The following DST variants were observed in gnomAD, a reference collection of about 807,000 sequenced individuals.
The protein encoded by DST is bullous pemphigoid antigen.
DST carries 253 observed loss-of-function variants against 875.2 expected under a neutral mutation model. The observed-to-expected ratio is 0.29, with a 90% CI of 0.26 to 0.32. The LOEUF (loss-of-function observed/expected upper bound fraction) is 0.32, where lower values mean the gene tolerates loss of function less well. DST is among the 10% of genes least tolerant of loss of function. The pLI is 1.00. For synonymous variants in DST, 3,124 were observed against 3,197.1 expected (o/e 0.98, Z 0.77); for missense variants, 8,287 against 9,111.6 (o/e 0.91, Z 3.68).
intron 20 of DST, 36 bp from the exon 21 acceptor site, chr6:56,639,647 T>C: frequency 6.2e-7 from 1 of 1,613,680 alleles, no homozygotes. Context: ...AATCATGTTT[T>C]TGCCAAATAT....
At chr6:56,642,923 GC>G (rs1398850123) in intron 15 of DST, 2 of 1,519,316 alleles carry the variant, frequency 1.3e-6, no homozygotes, top group African/African-American at 2.8e-5. Context: ...CCTTAAATAT[GC>G]TTCAACATGC....
intron 50 of DST, among the ~76,000 whole-genome samples, chr6:56,577,569 T>C (rs2097892458): frequency 6.6e-6 from 1 of 152,160 alleles, no homozygotes; most frequent in Admixed American, 6.6e-5. Flanking sequence ...TCTGGATACA[T>C]GTAAGAATGA....
rs2152422804 is a variant in DST at position 56,482,738 on chromosome 6, G to C, written c.21347C>G (p.Thr7116Ser). 3.7e-6 allele frequency: 6 copies of C among 1,613,814 alleles called. No homozygotes were observed. Among genetic ancestry groups the C allele is most frequent in the Non-Finnish European group, 5.1e-6 (6 of 1,179,826 alleles). Residue 7116 changes from threonine (T) to serine (S), a missense_variant, in exon 89 of 104, where the codon ACC (threonine) becomes AGC (serine). Around this residue, in one of 10 missense-constraint regions of DST, gnomAD observed 1,292 missense variants for 1,552.7 expected, o/e 0.83. Transcript: ENST00000680361. ...QMQELSTRWETVCALSISKQT... is the reference protein window; with the variant it reads ...QMQELSTRWESVCALSISKQT... ...CTTTGATATAGAAAGTGCACACACG[G>C]TCTCCCAGCGTGTGCTTAATTCCTG...
chr6:56,717,824 T>TTGAAAACCCCAAGCTATCCC (rs2099400499), intron 5 of DST, among the ~76,000 whole-genome samples: 1 of 152,166 alleles, frequency 6.6e-6, no homozygotes, highest in Admixed American at 6.5e-5. Context: ...CAAGCTATCC[T>TTGAAAACCCCAAGCTATCCC]TGAAAACCCC....
At chr6:56,741,195 CTA>C (rs1353846341) in intron 4 of DST, among the ~76,000 whole-genome samples, 1 of 152,128 alleles carries the variant, frequency 6.6e-6, no homozygotes, top group African/African-American at 2.4e-5. Flanking sequence ...GAGGTACTTA[CTA>C]TACAAAGGTT....
chr6:56,681,500 G>T (rs570542405), intron 9 of DST, among the ~76,000 whole-genome samples: 39 of 152,258 alleles, frequency 2.6e-4, no homozygotes, highest in Non-Finnish European at 4.9e-4. Context: ...CCTTGAGGAA[G>T]CCCCAGCTGA....
In DST at chr6:56,553,154, T is replaced by C. The variant is rs773690778; in HGVS notation, c.15638A>G (p.Lys5213Arg). The change falls in exon 61 of 104, where the codon AAG becomes AGG. Residue 5213 changes from lysine (K) to arginine (R), a missense_variant. By Grantham distance (26) the Lys-to-Arg change is conservative. Coordinates refer to ENST00000680361, the MANE Select transcript of DST (RefSeq NM_001374736.1). Reference sequence around the variant, plus strand: ...CATACCAAAGTGTTGGTCCATTTCCTTCTGCAGAGACTTTAACTTGGCAAT... The same window carrying C: ...CATACCAAAGTGTTGGTCCATTTCCCTCTGCAGAGACTTTAACTTGGCAAT... Reference protein sequence around the residue: ...NSIAKLKSLQKEMDQHFGMVE... With the variant: ...NSIAKLKSLQREMDQHFGMVE... 25 of 1,614,022 alleles carry C rather than the reference T, an allele frequency of 1.5e-5. No homozygotes were observed. The South Asian group carries it at 2.6e-4, about 17-fold the overall frequency.
At chr6:56,481,861 A>T (rs1351748167) in intron 90 of DST, among the ~76,000 whole-genome samples, 189 bp downstream of exon 90, 1 of 152,234 alleles carries the variant, frequency 6.6e-6, no homozygotes, top group Non-Finnish European at 1.5e-5. Flanking sequence ...GTACACATAC[A>T]TGTGTGTGGG....
Position 56,609,002 on chromosome 6 carries a change from G to GT in DST, c.5625dup (p.Leu1876ThrfsTer34). The GT allele has an allele frequency of 6.2e-7, 1 of 1,613,862 alleles. No individual in the cohort carries two copies. Among genetic ancestry groups the GT allele is most frequent in the South Asian group, 1.1e-5 (1 of 91,084 alleles). The stretch of plus-strand genomic sequence containing the variant: ...ATAACCAGAGAGCCTGTAGAAAGCA[G>GT]TATCTCAAGAACTTTGATGGCCATG... On this transcript the variant is annotated frameshift_variant, in exon 40 of 104. Transcript: ENST00000680361. LOFTEE classifies it high-confidence loss of function.
chr6:56,526,701 G>A, intron 68 of DST, 134 bp from the exon 69 acceptor site: 1 of 729,200 alleles, frequency 1.4e-6, no homozygotes, highest in Non-Finnish European at 2.1e-6. Context: ...CTTAGTTTCA[G>A]TCGAGTTAAA....
At chr6:56,491,282 T>C (rs1362846835) in intron 85 of DST, among the ~76,000 whole-genome samples, 3 of 152,158 alleles carry the variant, frequency 2.0e-5, no homozygotes, top group African/African-American at 7.2e-5. Flanking sequence ...GTGACATCTT[T>C]TTGCATCACC....
intron 61 of DST, among the ~76,000 whole-genome samples, chr6:56,540,003 C>T (rs774579443): frequency 1.5e-4 from 23 of 152,266 alleles, no homozygotes; most frequent in Middle Eastern, 3.4e-3. Flanking sequence ...TGGAGGCCTT[C>T]TAAATGAAGG....
rs371986620 is a variant in DST at position 56,698,387 on chromosome 6, G to A, written c.1047+1266C>T. The stretch of plus-strand genomic sequence containing the variant: ...GTTGCCCAGGCTGGAGTGCAGTGGC[G>A]CAATCTCAGCTCACTGCAACCTCTG... On this transcript the variant is annotated intron_variant, in intron 9 of 103. Transcript: ENST00000680361. Among the ~76,000 whole-genome samples the A allele has an allele frequency of 2.8e-4, 43 of 151,568 alleles. No homozygotes were observed. In the East Asian group the frequency reaches 5.4e-3, roughly 19 times the overall value.
intron 3 of DST, among the ~76,000 whole-genome samples, chr6:56,867,290 C>A (rs1774625850): frequency 6.6e-6 from 1 of 152,164 alleles, no homozygotes; most frequent in Admixed American, 6.5e-5. Context: ...TGACCTAATG[C>A]CCATTGCCAA....
At chr6:56,620,228 T>C in intron 36 of DST, 1 of 1,613,950 alleles carries the variant, frequency 6.2e-7, no homozygotes, top group Non-Finnish European at 8.5e-7. Flanking sequence ...TTTATTTTTT[T>C]GTTGCTCCAA....
chr6:56,522,885 A>C (rs2096733480), intron 69 of DST, among the ~76,000 whole-genome samples: 1 of 152,164 alleles, frequency 6.6e-6, no homozygotes, highest in Non-Finnish European at 1.5e-5. Flanking sequence ...AGGTAGTCTG[A>C]ATTCAGAACC....
At chr6:56,941,237 T>C (rs1816376913) in intron 2 of DST, among the ~76,000 whole-genome samples, 1 of 152,204 alleles carries the variant, frequency 6.6e-6, no homozygotes. Flanking sequence ...TTTGAGATAC[T>C]GTGTTTTCAT....
chr6:56,641,521 G>A (rs1376709941), intron 17 of DST, among the ~76,000 whole-genome samples: 1 of 152,048 alleles, frequency 6.6e-6, no homozygotes, highest in Non-Finnish European at 1.5e-5. Context: ...CCAGGAGGCA[G>A]AGGCTGCAGT....
chr6:56,589,352 G>A (rs1414750012), intron 49 of DST, among the ~76,000 whole-genome samples: 1 of 151,996 alleles, frequency 6.6e-6, no homozygotes, highest in East Asian at 1.9e-4. Flanking sequence ...AAGTATCAAG[G>A]TCCTAATTTA....
Sources: gnomAD v4.1 joint callset for allele counts (sites outside exome capture counted in the v4.1 genomes callset) on GRCh38, gnomAD v4.1.1 for gene constraint, gnomAD v4.1.1 regional missense constraint, MANE v1.5 for transcripts, NCBI Gene and HGNC (gene_info 2026-07-23, HGNC 2026-07-21) for gene names.